MARK3: variants seen among roughly 807,000 people sequenced by gnomAD.
MARK3 encodes microtubule affinity regulating kinase 3, also known as MAP/microtubule affinity-regulating kinase 3.
MARK3 carries 46 observed loss-of-function variants against 90.1 expected under a neutral mutation model. The observed-to-expected ratio is 0.51, with a 90% CI of 0.40 to 0.65. MARK3 has a LOEUF of 0.65. MARK3 is among the 30% of genes least tolerant of loss of function. The pLI, the probability that MARK3 is intolerant of heterozygous loss-of-function variation, is 0.00. For missense variants in MARK3, 818 were observed against 947.2 expected, an observed-to-expected ratio of 0.86 and a Z score of 1.79; for synonymous variants, 321 against 332.6, an observed-to-expected ratio of 0.97 and a Z score of 0.38.
chr14:103,457,666 G>A (rs760510945), intron 6 of MARK3, among the ~76,000 whole-genome samples: 3 of 152,040 alleles, frequency 2.0e-5, no homozygotes, highest in Admixed American at 6.6e-5. Flanking sequence ...AAAGAGACTC[G>A]GGTTTTAATA....
intron 14 of MARK3, chr14:103,491,505 G>A (rs554829303): frequency 2.1e-5 from 8 of 374,778 alleles, no homozygotes; most frequent in South Asian, 3.8e-5. Context: ...TGAGTTAGCT[G>A]TTCTCTGTCC....
chr14:103,448,889 AT>A, intron 3 of MARK3, 29 bp from the exon 4 acceptor site: 1 of 699,070 alleles, frequency 1.4e-6, no homozygotes, highest in Admixed American at 5.1e-5. Context: ...TGTTGGGGGG[AT>A]TATGTGTTTT....
At chr14:103,494,845 C>T (rs915137872) in intron 15 of MARK3, among the ~76,000 whole-genome samples, 4 of 152,064 alleles carry the variant, frequency 2.6e-5, no homozygotes, top group Admixed American at 6.6e-5. Flanking sequence ...TCATGTTGGC[C>T]AGGCTGGTCT....
chr14:103,454,081 A>G (rs2093218604), intron 5 of MARK3, among the ~76,000 whole-genome samples: 1 of 152,178 alleles, frequency 6.6e-6, no homozygotes, highest in Non-Finnish European at 1.5e-5. Context: ...ACAGACATGG[A>G]GTGAATCCAG....
intron 1 of MARK3, among the ~76,000 whole-genome samples, chr14:103,393,481 T>C (rs2090395580): frequency 6.6e-6 from 1 of 152,192 alleles, no homozygotes; most frequent in South Asian, 2.1e-4. Flanking sequence ...AGTTGATCTC[T>C]GAAGAATTCA....
intron 15 of MARK3, among the ~76,000 whole-genome samples, chr14:103,496,493 G>T (rs930485951): frequency 1.3e-5 from 2 of 151,820 alleles, no homozygotes; most frequent in South Asian, 2.1e-4. Context: ...GTTCACTGCA[G>T]TGTCTGCCTC....
At position 103,427,058 on chromosome 14, in the gene MARK3, T is replaced by C. The variant is rs2092428408; in HGVS notation, c.244-1329T>C. Among the ~76,000 whole-genome samples the C allele has an allele frequency of 2.6e-5, 4 of 152,242 alleles. No individual in the cohort carries two copies. The South Asian group carries it at 8.3e-4, about 32-fold the overall frequency. ...GTGCTTTCTGTGTATAATCTCTCTC[T>C]CTCTCTCTTTTTTTCTTGGTTTGGA... is the stretch of plus-strand genomic sequence containing the variant. On this transcript the variant is annotated intron_variant, in intron 2 of 17. Coordinates refer to ENST00000429436, the MANE Select transcript of MARK3 (RefSeq NM_001128918.3).
chr14:103,484,420 G>C (rs904461655), intron 14 of MARK3, among the ~76,000 whole-genome samples: 3 of 152,082 alleles, frequency 2.0e-5, no homozygotes, highest in African/African-American at 7.2e-5. Flanking sequence ...TGATCCACCT[G>C]CCTTGGCCTC....
At chr14:103,443,714 A>G (rs2092920636) in intron 3 of MARK3, among the ~76,000 whole-genome samples, 1 of 152,238 alleles carries the variant, frequency 6.6e-6, no homozygotes. Flanking sequence ...AACCAGTGAC[A>G]TCAGTTCCTT....
chr14:103,412,228 G>A, intron 2 of MARK3: 1 of 824,650 alleles, frequency 1.2e-6, no homozygotes, highest in African/African-American at 1.7e-5. Context: ...CCAGGTGAAT[G>A]TTATGCACAA....
At chr14:103,464,284 T>A (rs2093459868) in intron 7 of MARK3, among the ~76,000 whole-genome samples, 1 of 143,082 alleles carries the variant, frequency 7.0e-6, no homozygotes, top group East Asian at 2.1e-4. Context: ...GACTGTGATT[T>A]GTCTCTTTTT....
chr14:103,426,522 CT>C (rs1319494893), intron 2 of MARK3, among the ~76,000 whole-genome samples: 1 of 152,082 alleles, frequency 6.6e-6, no homozygotes, highest in Admixed American at 6.6e-5. Flanking sequence ...CCTCTTTGAT[CT>C]TATGGGGGTG....
chr14:103,425,721 C>A (rs751013640), intron 2 of MARK3, among the ~76,000 whole-genome samples: 4 of 152,150 alleles, frequency 2.6e-5, no homozygotes, highest in Non-Finnish European at 4.4e-5. Context: ...TTATGTTTTC[C>A]AAATACAAAA....
chr14:103,434,143 T>C (rs1325410760), intron 3 of MARK3, among the ~76,000 whole-genome samples: 1 of 152,184 alleles, frequency 6.6e-6, no homozygotes, highest in African/African-American at 2.4e-5. Context: ...CCAGAGAGAC[T>C]ACCATTATGA....
Position 103,405,154 on chromosome 14 carries a change from G to T in MARK3, c.130G>T (p.Ala44Ser), listed in dbSNP as rs764378932. 6.2e-7 allele frequency: 1 copy of T among 1,608,598 alleles called. No individual in the cohort carries two copies. ...AGGAGCTCGGTGTAGAAACTCTATA[G>T]CCTCCTGTGCAGATGAACAACCTCA... ...RSGARCRNSI[A>S]SCADEQPHIG... The change falls in exon 2 of 18, where the codon GCC becomes TCC. Residue 44 changes from alanine to serine, a missense_variant. This residue lies in a region of MARK3 where 157 missense variants were observed against 158.7 expected (regional missense o/e 0.99). Coordinates refer to ENST00000429436, the MANE Select transcript of MARK3 (RefSeq NM_001128918.3).
intron 2 of MARK3, among the ~76,000 whole-genome samples, chr14:103,407,203 C>T (rs1030795105): frequency 6.6e-6 from 1 of 152,116 alleles, no homozygotes; most frequent in African/African-American, 2.4e-5. Context: ...TAGTCTTTAC[C>T]TTTAAAAATA....
intron 2 of MARK3, among the ~76,000 whole-genome samples, chr14:103,418,421 C>T (rs150642045): frequency 1.3e-5 from 2 of 152,160 alleles, no homozygotes; most frequent in African/African-American, 4.8e-5. Context: ...ATGAATAGGA[C>T]ATGTTTGACC....
chr14:103,473,780 GC>G (rs1418278609), intron 12 of MARK3, among the ~76,000 whole-genome samples: 2 of 151,982 alleles, frequency 1.3e-5, no homozygotes, highest in Non-Finnish European at 2.9e-5. Flanking sequence ...GCCACATGTA[GC>G]CTCAAACTCT....
intron 2 of MARK3, among the ~76,000 whole-genome samples, chr14:103,416,032 T>C (rs924261795): frequency 2.0e-5 from 3 of 152,230 alleles, no homozygotes; most frequent in African/African-American, 7.2e-5. Context: ...ACTGTGTAAG[T>C]ATTGTTGAGC....
Sources: allele counts gnomAD v4.1 joint callset (sites outside exome capture counted in the v4.1 genomes callset), GRCh38; gene constraint gnomAD v4.1.1; regional missense constraint gnomAD v4.1.1; transcripts MANE v1.5; gene names NCBI Gene and HGNC (gene_info 2026-07-23, HGNC 2026-07-21).